API5: variants seen among roughly 807,000 people sequenced by gnomAD.
API5 encodes the protein FIF.
API5 carries 6 observed loss-of-function variants against 71.9 expected under a neutral mutation model. The observed-to-expected ratio is 0.08, with a 90% CI of 0.05 to 0.16. The LOEUF is 0.16. API5 is among the 10% of genes least tolerant of loss of function. API5 has a pLI of 1.00. For missense variants in API5, 332 were observed against 612.8 expected (o/e 0.54, Z 4.84); for synonymous variants, 189 against 221.3 (o/e 0.85, Z 1.30).
chr11:43,314,236 TCTAC>T (rs1565098627), intron 1 of API5, among the ~76,000 whole-genome samples: 4 of 152,240 alleles, frequency 2.6e-5, no homozygotes, highest in African/African-American at 9.6e-5. Flanking sequence ...AGCAAATTGT[TCTAC>T]CTACGTTAGA....
chr11:43,312,079 C>G lies in API5; in HGVS notation c.-49C>G. ...GAGAAGTTCCGAGGCGGCGGTGGCGCCGGTCAGGACAAGGATAGCGGAACC... is the reference window on the plus strand; with the variant it reads ...GAGAAGTTCCGAGGCGGCGGTGGCGGCGGTCAGGACAAGGATAGCGGAACC... On this transcript the variant is annotated 5_prime_UTR_variant, in exon 1 of 14. Transcript: ENST00000531273. 1.2e-6 allele frequency: 2 copies of G among 1,604,262 alleles called. No homozygotes were observed. Among genetic ancestry groups the G allele is most frequent in the South Asian group, 2.2e-5 (2 of 90,618 alleles).
chr11:43,326,769 T>C (rs1005110380), intron 7 of API5, among the ~76,000 whole-genome samples, 158 bp downstream of exon 7: 1 of 152,242 alleles, frequency 6.6e-6, no homozygotes, highest in African/African-American at 2.4e-5. Context: ...GCATTAGGAC[T>C]GCTTCATGGA....
intron 1 of API5, among the ~76,000 whole-genome samples, chr11:43,317,840 G>A (rs1194749752): frequency 6.6e-6 from 1 of 151,966 alleles, no homozygotes; most frequent in Non-Finnish European, 1.5e-5. Flanking sequence ...ACCACACCCA[G>A]TTAATTTTTG....
chr11:43,337,025 A>T (rs1307354292), intron 13 of API5, among the ~76,000 whole-genome samples: 6 of 151,346 alleles, frequency 4.0e-5, no homozygotes, highest in African/African-American at 1.5e-4. Flanking sequence ...AAAAAAAAAA[A>T]AAAAAAGACA....
In API5 at chr11:43,330,072, C is replaced by T. The variant is rs773479421; in HGVS notation, c.1221+14C>T. The T allele has an allele frequency of 5.6e-6, 9 of 1,601,444 alleles. No individual in the cohort carries two copies. Among genetic ancestry groups the T allele is most frequent in the Non-Finnish European group, 7.7e-6 (9 of 1,168,976 alleles). On this transcript the variant is annotated intron_variant, in intron 10 of 13. Transcript: ENST00000531273. ...AAAACAGAAGAGGTAAGAATACTGGCTCACATTTCATAAACTGCTAGTTCC... is the reference window on the plus strand; with the variant it reads ...AAAACAGAAGAGGTAAGAATACTGGTTCACATTTCATAAACTGCTAGTTCC...
At position 43,318,626 on chromosome 11, in the gene API5, A is replaced by AT. The variant is rs764303029; in HGVS notation, c.70-8dup. On this transcript the variant is annotated splice_polypyrimidine_tract_variant and intron_variant, in intron 1 of 13. Transcript: ENST00000531273. ...CAAAATCATGTGTCTTTCCTGCTTT[A>AT]TTTTTTATTTCAGCATAAAGATGCC... 42 of 1,610,498 alleles carry AT rather than the reference A, an allele frequency of 2.6e-5. 7 individuals carry two copies. The Admixed American group carries it at 3.0e-4, about 12-fold the overall frequency.
chr11:43,324,049 G>T lies in API5; in HGVS notation c.750+413G>T, dbSNP rs190439030. ...TTTTTTTCCTTTGAGACAGAGTCTT[G>T]CCCTGTCACTCATGCTGGAGTGCAG... On this transcript the variant is annotated intron_variant, in intron 6 of 13. Transcript: ENST00000531273. Among the ~76,000 whole-genome samples the T allele has an allele frequency of 1.2e-3, 189 of 151,492 alleles. 1 individual carries two copies. The highest frequency in any genetic ancestry group is 2.3e-3 in the Non-Finnish European group (156 of 67,984).
At chr11:43,316,458 G>A (rs1854675186) in intron 1 of API5, among the ~76,000 whole-genome samples, 1 of 151,672 alleles carries the variant, frequency 6.6e-6, no homozygotes, top group African/African-American at 2.4e-5. Flanking sequence ...GTAAGTTTGA[G>A]TTAAAGAAAA....
chr11:43,329,435 A>G (rs1411658485), intron 9 of API5: 2 of 154,926 alleles, frequency 1.3e-5, no homozygotes, highest in African/African-American at 4.8e-5. Context: ...AGCTCTTCCT[A>G]CTTGTTTTAT....
intron 4 of API5, 136 bp from the exon 5 acceptor site, chr11:43,321,849 T>C (rs1056689790): frequency 1.0e-5 from 9 of 863,614 alleles, no homozygotes; most frequent in Non-Finnish European, 1.5e-5. Context: ...TTCAGACTAC[T>C]TTTAACTAGT....
chr11:43,321,305 C>T (rs1453124301), intron 3 of API5, 106 bp from the exon 4 acceptor site: 1 of 932,468 alleles, frequency 1.1e-6, no homozygotes, highest in Non-Finnish European at 1.7e-6. Flanking sequence ...TTATAAGTTT[C>T]CTGTCAATGT....
chr11:43,331,719 A>G (rs549520945), intron 11 of API5, among the ~76,000 whole-genome samples: 13 of 152,330 alleles, frequency 8.5e-5, no homozygotes, highest in Middle Eastern at 3.4e-3. Context: ...TACAAGGGTC[A>G]GCTGCAGTTT....
chr11:43,328,630 A>G, intron 8 of API5, 82 bp from the exon 9 acceptor site: 1 of 1,266,548 alleles, frequency 7.9e-7, no homozygotes, highest in Non-Finnish European at 1.1e-6. Context: ...CCTTAAAAAC[A>G]TGCACTGTAA....
At chr11:43,321,058 A>T in intron 3 of API5, 144 bp downstream of exon 3, 1 of 684,118 alleles carries the variant, frequency 1.5e-6, no homozygotes, top group Non-Finnish European at 2.5e-6. Context: ...TTCATTCAGT[A>T]GTTAAAGTGT....
At chr11:43,327,921 C>T (rs1348491475) in intron 8 of API5, 43 bp downstream of exon 8, 3 of 1,209,346 alleles carry the variant, frequency 2.5e-6, no homozygotes, top group Non-Finnish European at 3.5e-6. Context: ...CAGTATATAG[C>T]TCAAAGTCTA....
intron 1 of API5, among the ~76,000 whole-genome samples, chr11:43,316,884 C>G (rs1854691047): frequency 6.6e-6 from 1 of 152,114 alleles, no homozygotes; most frequent in African/African-American, 2.4e-5. Context: ...AGTGATGACT[C>G]CTGAAGACTC....
intron 1 of API5, among the ~76,000 whole-genome samples, chr11:43,317,022 A>G (rs1375928450): frequency 6.6e-6 from 1 of 152,192 alleles, no homozygotes. Flanking sequence ...AAAAAGAATC[A>G]CTGTAAAATA....
At position 43,318,526 on chromosome 11, in the gene API5, T is replaced by C. The variant is rs5743215; in HGVS notation, c.70-114T>C. 27,528 of 1,558,942 alleles carry C rather than the reference T, an allele frequency of 0.018. 4,174 individuals are homozygous for C. In the African/African-American group the frequency reaches 0.33, roughly 19 times the overall value. On this transcript the variant is annotated intron_variant, in intron 1 of 13. Coordinates refer to ENST00000531273, the MANE Select transcript of API5 (RefSeq NM_001142930.2). ...AGTAAACCTCCCAAAATCAGCTTTA[T>C]TTCTTAGCCTGTGTAAAAATTTAAA...
At chr11:43,336,046 T>C in intron 13 of API5, 52 bp downstream of exon 13, 1 of 1,590,608 alleles carries the variant, frequency 6.3e-7, no homozygotes. Flanking sequence ...GCAGAAATTG[T>C]GTTATACTTT....
Sources: gnomAD v4.1 joint callset for allele counts (sites outside exome capture counted in the v4.1 genomes callset) on GRCh38, gnomAD v4.1.1 for gene constraint, MANE v1.5 for transcripts, NCBI Gene and HGNC (gene_info 2026-07-23, HGNC 2026-07-21) for gene names.